The following CBX7 variants were observed in gnomAD, a reference collection of about 807,000 sequenced individuals.
CBX7 encodes the protein chromobox protein homolog 7.
A neutral mutation model predicts 31.4 loss-of-function variants in CBX7; 14 were observed. The ratio of observed to expected loss-of-function variants is 0.45; its 90% confidence interval spans 0.29 to 0.70. The LOEUF is 0.70. Among genes scored for constraint, CBX7 ranks in the 30% least tolerant of loss-of-function variants. The pLI is 0.11. For synonymous variants in CBX7, 159 were observed against 152.6 expected, an observed-to-expected ratio of 1.04 and a Z score of -0.31; for missense variants, 269 against 351.9, an observed-to-expected ratio of 0.76 and a Z score of 1.89.
intron 2 of CBX7, chr22:39,147,751 A>G (rs1191006991): frequency 6.6e-6 from 1 of 152,210 alleles, no homozygotes; most frequent in Non-Finnish European, 1.5e-5. Flanking sequence ...TATTTTTTTA[A>G]GGACCAACCC....
intron 1 of CBX7, among the ~76,000 whole-genome samples, chr22:39,151,608 C>A (rs1930854812): frequency 6.6e-6 from 1 of 152,222 alleles, no homozygotes; most frequent in Non-Finnish European, 1.5e-5. Flanking sequence ...AAAGGAACTT[C>A]TCCCCAAGGA....
At chr22:39,134,777 C>A (rs1429589791) in intron 4 of CBX7, 25 bp from the exon 5 acceptor site, 12 of 1,402,886 alleles carry the variant, frequency 8.6e-6, no homozygotes, top group Non-Finnish European at 1.1e-5. Context: ...CAGGGCAGCG[C>A]GGGTCAGCCC....
At chr22:39,138,187 A>AC (rs1447746248) in intron 4 of CBX7, among the ~76,000 whole-genome samples, 2 of 151,764 alleles carry the variant, frequency 1.3e-5, no homozygotes, top group Non-Finnish European at 2.9e-5. Flanking sequence ...CGTCTCAAAA[A>AC]AAAAAAAAAA....
rs1305919189 is a variant in CBX7 at position 39,134,384 on chromosome 22, G to A, written c.598+17C>T. Reference sequence around the variant, plus strand: ...CCCTTTCCAGCTCTGAGGGTCTCTGGGCTGGGGCCGCCTTACCCTCCTCTT... The same window carrying A: ...CCCTTTCCAGCTCTGAGGGTCTCTGAGCTGGGGCCGCCTTACCCTCCTCTT... On this transcript the variant is annotated intron_variant, in intron 5 of 5. Transcript: ENST00000216133. The A allele has an allele frequency of 9.5e-6, 15 of 1,582,772 alleles. No homozygotes were observed. The highest frequency in any genetic ancestry group is 2.7e-5 in the African/African-American group (2 of 74,424).
intron 1 of CBX7, among the ~76,000 whole-genome samples, 158 bp from the exon 2 acceptor site, chr22:39,149,990 C>G (rs961552852): frequency 6.6e-6 from 1 of 152,180 alleles, no homozygotes; most frequent in Admixed American, 6.5e-5. Context: ...CCACCAGATC[C>G]TCGCCAACCC....
intron 3 of CBX7, among the ~76,000 whole-genome samples, chr22:39,140,356 C>T (rs1383299577): frequency 1.3e-5 from 2 of 152,128 alleles, no homozygotes; most frequent in Admixed American, 6.5e-5. Context: ...AGTGTCGCAC[C>T]CTGTTGGACC....
intron 5 of CBX7, 71 bp downstream of exon 5, chr22:39,134,330 G>T: frequency 7.7e-7 from 1 of 1,305,656 alleles, no homozygotes; most frequent in Non-Finnish European, 1.0e-6. Context: ...TTTGGACATT[G>T]AACCAGCTGG....
rs1191236557 is a variant in CBX7 at position 39,134,452 on chromosome 22, G to A, written c.547C>T (p.Leu183=). The A allele has an allele frequency of 6.2e-7, 1 of 1,606,658 alleles. No individual in the cohort carries two copies. The highest frequency in any genetic ancestry group is 1.3e-5 in the African/African-American group (1 of 74,934). ...GGCTCCCACTCGCCAGCCGCCTGCA[G>A]GACGTCTGGGGCCGGTGGCTCCTGC... is the stretch of plus-strand genomic sequence containing the variant. ...FLQEPPAPDV[L]QAAGEWEPAA... Residue 183 remains leucine, a synonymous_variant, in exon 5 of 6, where the codon CTG becomes TTG. Coordinates refer to ENST00000216133, the MANE Select transcript of CBX7 (RefSeq NM_175709.5).
chr22:39,142,851 T>C (rs1930508457), intron 2 of CBX7, among the ~76,000 whole-genome samples: 1 of 152,114 alleles, frequency 6.6e-6, no homozygotes, highest in African/African-American at 2.4e-5. Context: ...ACTGAAAAAT[T>C]CCTGTCATCT....
intron 3 of CBX7, among the ~76,000 whole-genome samples, chr22:39,140,736 G>A (rs1008420698): frequency 6.6e-6 from 1 of 152,084 alleles, no homozygotes; most frequent in Non-Finnish European, 1.5e-5. Context: ...GCTGGTGGGG[G>A]GGGCGGCCAG....
In CBX7 at chr22:39,137,943, A is replaced by G. The variant is rs187915511; in HGVS notation, c.246+693T>C. On this transcript the variant is annotated intron_variant, in intron 4 of 5. Transcript: ENST00000216133. ...ACGCCTGTAATCCCAGCACTTTGGG[A>G]GGCCAAGCCGGGCGGATCATGAGGT... 1.8e-4 allele frequency among the ~76,000 whole-genome samples: 27 copies of G among 152,170 alleles called. 1 individual carries two copies. In the East Asian group the frequency reaches 3.1e-3, roughly 18 times the overall value.
At chr22:39,151,652 C>T (rs986852406) in intron 1 of CBX7, among the ~76,000 whole-genome samples, 11 of 152,226 alleles carry the variant, frequency 7.2e-5, no homozygotes, top group Admixed American at 7.2e-4. Flanking sequence ...CCTCGCCAAA[C>T]AAGTGCACGG....
chr22:39,133,716 G>T lies in CBX7; in HGVS notation c.*175C>A. 1.6e-6 allele frequency: 1 copy of T among 608,658 alleles called. No individual in the cohort carries two copies. The highest frequency in any genetic ancestry group is 2.8e-5 in the South Asian group (1 of 35,922). 37.7% of individuals were successfully genotyped at this position (608,658 alleles called of 1,614,324 possible). ...TCCATCCCCAGCCTGAGGCCTCGTG[G>T]TAAACGTCCCTCAGAGAAAGGGCAG... On this transcript the variant is annotated 3_prime_UTR_variant, in exon 6 of 6. Transcript: ENST00000216133.
intron 2 of CBX7, among the ~76,000 whole-genome samples, chr22:39,145,271 ACGCCG>A (rs563374821): frequency 6.6e-6 from 1 of 151,870 alleles, no homozygotes; most frequent in Non-Finnish European, 1.5e-5. Flanking sequence ...GGTAAGGAGG[ACGCCG>A]CGCCGCACCG....
At chr22:39,136,775 T>C (rs1027609994) in intron 4 of CBX7, 3 of 152,286 alleles carry the variant, frequency 2.0e-5, no homozygotes, top group African/African-American at 4.8e-5. Context: ...ACCTGCCCTG[T>C]AGGCTTAGTA....
intron 2 of CBX7, chr22:39,149,577 G>C (rs1569112803): frequency 1.7e-6 from 1 of 587,262 alleles, no homozygotes; most frequent in Admixed American, 3.0e-5. Flanking sequence ...AGGAGGGCAG[G>C]GTGAGAAGAG....
intron 4 of CBX7, among the ~76,000 whole-genome samples, chr22:39,137,454 C>A (rs1014111724): frequency 6.6e-6 from 1 of 152,054 alleles, no homozygotes; most frequent in Non-Finnish European, 1.5e-5. Context: ...GCTCAAGTGA[C>A]TGTCCTGTCT....
At chr22:39,142,315 C>A (rs995687048) in intron 2 of CBX7, among the ~76,000 whole-genome samples, 4 of 152,172 alleles carry the variant, frequency 2.6e-5, no homozygotes, top group Admixed American at 2.0e-4. Context: ...CAAACCCCAT[C>A]CCCATCCCCA....
intron 2 of CBX7, among the ~76,000 whole-genome samples, chr22:39,142,760 T>TTCC: frequency 6.6e-6 from 1 of 152,188 alleles, no homozygotes; most frequent in African/African-American, 2.4e-5. Context: ...AAAAACAATA[T>TTCC]ATGTACAGTC....
Sources: gnomAD v4.1 joint callset for allele counts (sites outside exome capture counted in the v4.1 genomes callset) on GRCh38, gnomAD v4.1.1 for gene constraint, MANE v1.5 for transcripts, NCBI Gene and HGNC (gene_info 2026-07-23, HGNC 2026-07-21) for gene names.